CERS4: variants seen among roughly 807,000 people sequenced by gnomAD.
CERS4 encodes the protein LAG1 homolog, ceramide synthase 4.
In CERS4, 65 loss-of-function variants were observed where a neutral mutation model predicts 51.8. That is an observed-to-expected ratio of 1.26 (90% CI 1.03 to 1.54). CERS4 has a LOEUF of 1.54. Among genes scored for constraint, CERS4 ranks in the 40% most tolerant of loss-of-function variants. The probability of loss-of-function intolerance (pLI) is 0.00; values close to 1 mark genes in which losing one functional copy is unlikely to be tolerated. For missense variants in CERS4, 563 were observed against 500.4 expected (o/e 1.13, Z -1.19); for synonymous variants, 228 against 208.4 (o/e 1.09, Z -0.81).
intron 2 of CERS4, among the ~76,000 whole-genome samples, chr19:8,242,143 T>C (rs893390829): frequency 6.6e-6 from 1 of 152,106 alleles, no homozygotes; most frequent in Non-Finnish European, 1.5e-5. Flanking sequence ...GGTGACGAAA[T>C]TGAGGCTCCC....
chr19:8,213,691 C>T (rs951159616), intron 2 of CERS4, among the ~76,000 whole-genome samples: 22 of 151,694 alleles, frequency 1.5e-4, no homozygotes, highest in African/African-American at 4.4e-4. Context: ...AGAGGCCCGG[C>T]GCGGTGGCTC....
intron 9 of CERS4, among the ~76,000 whole-genome samples, chr19:8,257,581 C>A (rs192939721): frequency 6.6e-6 from 1 of 152,326 alleles, no homozygotes; most frequent in African/African-American, 2.4e-5. Context: ...CAGGCACTTG[C>A]CACCATGCCA....
intron 2 of CERS4, among the ~76,000 whole-genome samples, chr19:8,246,656 G>A (rs1279513858): frequency 6.6e-6 from 1 of 152,104 alleles, no homozygotes; most frequent in African/African-American, 2.4e-5. Context: ...GCTGACATGT[G>A]TAGGGGCGAT....
At chr19:8,217,336 ACAAT>A (rs1967341568) in intron 2 of CERS4, among the ~76,000 whole-genome samples, 1 of 151,938 alleles carries the variant, frequency 6.6e-6, no homozygotes, top group Admixed American at 6.6e-5. Context: ...TACAAGGAAA[ACAAT>A]CAGAGACACT....
intron 2 of CERS4, among the ~76,000 whole-genome samples, chr19:8,248,605 GTGGA>G (rs1968895558): frequency 6.6e-6 from 1 of 150,740 alleles, no homozygotes; most frequent in South Asian, 2.1e-4. Flanking sequence ...GAATGGGTAG[GTGGA>G]TGGATGATGG....
rs569560489 is a variant in CERS4 at position 8,261,881 on chromosome 19, C to T, written c.1005+37C>T. The T allele has an allele frequency of 1.4e-5, 23 of 1,613,330 alleles. No homozygotes were observed. In the East Asian group the frequency reaches 4.2e-4, roughly 30 times the overall value. On this transcript the variant is annotated intron_variant, in intron 11 of 11. Coordinates refer to ENST00000251363, the MANE Select transcript of CERS4 (RefSeq NM_024552.3). The stretch of plus-strand genomic sequence containing the variant: ...CCTCCCCGGGGGCCCCAGCCCTAAG[C>T]TCCTCCTTCCTCCCTGCTCTGAGCT...
chr19:8,253,493 T>G (rs908182017), intron 3 of CERS4, among the ~76,000 whole-genome samples: 1 of 142,442 alleles, frequency 7.0e-6, no homozygotes, highest in Non-Finnish European at 1.5e-5. Flanking sequence ...GTCTTGTTGC[T>G]CTGTCACCCA....
chr19:8,261,496 C>T, intron 10 of CERS4, 192 bp from the exon 11 acceptor site: 1 of 618,610 alleles, frequency 1.6e-6, no homozygotes, highest in Non-Finnish European at 2.8e-6. Context: ...TGTGTGTGTT[C>T]TGCTCATTTA....
chr19:8,251,953 G>C (rs1039068116), intron 3 of CERS4, among the ~76,000 whole-genome samples: 1 of 151,586 alleles, frequency 6.6e-6, no homozygotes, highest in Non-Finnish European at 1.5e-5. Flanking sequence ...TAGGCCAGAC[G>C]TGGTAGCTGA....
intron 2 of CERS4, among the ~76,000 whole-genome samples, chr19:8,241,848 G>C (rs1968552720): frequency 6.6e-6 from 1 of 152,128 alleles, no homozygotes; most frequent in African/African-American, 2.4e-5. Flanking sequence ...GAATCTAGCT[G>C]TACCCATTTT....
At position 8,257,119 on chromosome 19, in the gene CERS4, C is replaced by T. The variant is rs376507612; in HGVS notation, c.741+42C>T. The T allele has an allele frequency of 4.5e-6, 7 of 1,542,320 alleles. No homozygotes were observed. The African/African-American group carries it at 6.8e-5, about 15-fold the overall frequency. ...CCTGACCCTTCCCAGCTGCTGTACC[C>T]AGCCCTCCCAGGTGCCCCAGAGATG... On this transcript the variant is annotated intron_variant, in intron 9 of 11. Coordinates refer to ENST00000251363, the MANE Select transcript of CERS4 (RefSeq NM_024552.3).
rs1485864615 is a variant in CERS4 at position 8,244,458 on chromosome 19, C to G, written c.-1-6618C>G. 3.3e-5 allele frequency among the ~76,000 whole-genome samples: 5 copies of G among 152,332 alleles called. No individual in the cohort carries two copies. The South Asian group carries it at 1.0e-3, about 32-fold the overall frequency. On this transcript the variant is annotated intron_variant, in intron 2 of 11. Coordinates refer to ENST00000251363, the MANE Select transcript of CERS4 (RefSeq NM_024552.3). Reference sequence around the variant, plus strand: ...CTCTTGGACTTACTACTGCTGCTAACTGAAATGTCATATCCTTTGACCAAT... The same window carrying G: ...CTCTTGGACTTACTACTGCTGCTAAGTGAAATGTCATATCCTTTGACCAAT...
chr19:8,230,904 A>G (rs1341077082), intron 2 of CERS4, among the ~76,000 whole-genome samples: 6 of 152,222 alleles, frequency 3.9e-5, no homozygotes, highest in African/African-American at 1.2e-4. Flanking sequence ...CAGTGGTGCA[A>G]TCACAGCTCA....
At chr19:8,243,197 A>T (rs1003177643) in intron 2 of CERS4, among the ~76,000 whole-genome samples, 5 of 5,912 alleles carry the variant, frequency 8.5e-4, no homozygotes, top group Admixed American at 2.6e-3. Flanking sequence ...CTGTCTCTAA[A>T]AAAAAAAAAA....
At chr19:8,258,045 C>T (rs1019732544) in intron 10 of CERS4, 60 bp downstream of exon 10, 2 of 1,305,616 alleles carry the variant, frequency 1.5e-6, no homozygotes, top group Non-Finnish European at 2.2e-6. Flanking sequence ...GATTCCAGGA[C>T]TGCCTCACCA....
chr19:8,249,896 T>G (rs1001722355), intron 2 of CERS4, among the ~76,000 whole-genome samples: 3 of 151,996 alleles, frequency 2.0e-5, no homozygotes, highest in Non-Finnish European at 4.4e-5. Flanking sequence ...GGCCTCTGGA[T>G]TTCTTTAAAT....
At chr19:8,251,646 T>C (rs1042589424) in intron 3 of CERS4, among the ~76,000 whole-genome samples, 3 of 151,954 alleles carry the variant, frequency 2.0e-5, no homozygotes, top group Non-Finnish European at 4.4e-5. Flanking sequence ...ACCCTGTCTC[T>C]GCTAAAAATA....
chr19:8,231,194 T>G (rs1231813877), intron 2 of CERS4, among the ~76,000 whole-genome samples: 1 of 152,186 alleles, frequency 6.6e-6, no homozygotes, highest in Non-Finnish European at 1.5e-5. Context: ...TTTAACTTCC[T>G]TCTTTCCTGA....
At chr19:8,248,737 G>T (rs1047923981) in intron 2 of CERS4, among the ~76,000 whole-genome samples, 1 of 151,474 alleles carries the variant, frequency 6.6e-6, no homozygotes, top group Non-Finnish European at 1.5e-5. Context: ...TGGACGATAG[G>T]TGGATGGACA....
Sources: gnomAD v4.1 joint callset for allele counts (sites outside exome capture counted in the v4.1 genomes callset) on GRCh38, gnomAD v4.1.1 for gene constraint, MANE v1.5 for transcripts, NCBI Gene and HGNC (gene_info 2026-07-23, HGNC 2026-07-21) for gene names.